FCHSD2: variants seen among roughly 807,000 people sequenced by gnomAD.
FCHSD2 encodes the protein FCH and double SH3 domains 2, also known as F-BAR and double SH3 domains protein 2.
In FCHSD2, 38 loss-of-function variants were observed where a neutral mutation model predicts 108.1. The observed-to-expected ratio is 0.35, with a 90% CI of 0.27 to 0.46. The LOEUF is 0.46. Among genes scored for constraint, FCHSD2 ranks in the 20% least tolerant of loss-of-function variants. The pLI is 1.00. For missense variants in FCHSD2, 751 were observed against 897.8 expected (o/e 0.84, Z 2.09); for synonymous variants, 279 against 314.7 (o/e 0.89, Z 1.20).
intron 4 of FCHSD2, among the ~76,000 whole-genome samples, chr11:73,013,655 T>A (rs955842920): frequency 1.3e-5 from 2 of 152,232 alleles, no homozygotes; most frequent in Admixed American, 6.5e-5. Flanking sequence ...ACAGAGCTGT[T>A]CTGATAATCA....
At chr11:73,102,887 T>C (rs1860256859) in intron 2 of FCHSD2, among the ~76,000 whole-genome samples, 1 of 152,176 alleles carries the variant, frequency 6.6e-6, no homozygotes. Flanking sequence ...AGACATACTC[T>C]TATTAAGAAA....
At chr11:72,942,464 T>C (rs1293126101) in intron 8 of FCHSD2, among the ~76,000 whole-genome samples, 1 of 152,190 alleles carries the variant, frequency 6.6e-6, no homozygotes, top group Admixed American at 6.5e-5. Context: ...GTATTTTATG[T>C]GAAAAAATAA....
chr11:73,093,118 A>G (rs1250810151), intron 2 of FCHSD2, among the ~76,000 whole-genome samples: 1 of 152,202 alleles, frequency 6.6e-6, no homozygotes, highest in Admixed American at 6.5e-5. Context: ...AGACTCAGGT[A>G]GGCTTTCCTA....
At chr11:73,040,439 G>A (rs1054709168) in intron 3 of FCHSD2, among the ~76,000 whole-genome samples, 23 of 152,326 alleles carry the variant, frequency 1.5e-4, no homozygotes, top group African/African-American at 5.5e-4. Flanking sequence ...TGTGTCTGGT[G>A]TATATTTCTC....
In FCHSD2 at chr11:72,841,653, T is replaced by A; in HGVS notation, c.1927-70A>T. On this transcript the variant is annotated intron_variant, in intron 17 of 19. Coordinates refer to ENST00000409418, the MANE Select transcript of FCHSD2 (RefSeq NM_014824.3). ...AGGAGAGCCTGGCTGCTTCTCTGAC[T>A]GCTCTGTACTCATGCCTTTTCTCTA... The A allele has an allele frequency of 2.8e-6, 4 of 1,424,978 alleles. 1 individual carries two copies. The South Asian group carries it at 4.3e-5, about 15-fold the overall frequency. The allele number at this position is 1,424,978 out of a possible 1,614,324, so 88.3% of individuals were successfully genotyped here.
At chr11:72,931,271 G>GTTT (rs143086970) in intron 8 of FCHSD2, among the ~76,000 whole-genome samples, 3 of 126,532 alleles carry the variant, frequency 2.4e-5, no homozygotes, top group African/African-American at 5.8e-5. Flanking sequence ...ATTTTTGTGG[G>GTTT]TTTTTTTTTT....
intron 8 of FCHSD2, among the ~76,000 whole-genome samples, chr11:72,982,680 C>A (rs1297417385): frequency 6.6e-6 from 1 of 152,118 alleles, no homozygotes; most frequent in East Asian, 1.9e-4. Context: ...TTTGGGTACA[C>A]AAACTGTAAT....
chr11:73,006,673 C>G (rs1490653712), intron 4 of FCHSD2, among the ~76,000 whole-genome samples: 1 of 152,212 alleles, frequency 6.6e-6, no homozygotes, highest in Non-Finnish European at 1.5e-5. Context: ...ACTTCTTGGC[C>G]CTCTGTATTC....
At chr11:73,117,266 G>C (rs1440065986) in intron 2 of FCHSD2, among the ~76,000 whole-genome samples, 1 of 152,094 alleles carries the variant, frequency 6.6e-6, no homozygotes, top group Non-Finnish European at 1.5e-5. Flanking sequence ...GACACAGACG[G>C]GTTAAGTAAC....
chr11:72,995,168 T>A (rs1284671750), intron 5 of FCHSD2, among the ~76,000 whole-genome samples: 1 of 152,202 alleles, frequency 6.6e-6, no homozygotes, highest in Non-Finnish European at 1.5e-5. Flanking sequence ...TTCATTCCTT[T>A]TTATCGCCGA....
chr11:73,107,273 G>T (rs1405822448), intron 2 of FCHSD2, among the ~76,000 whole-genome samples: 1 of 152,010 alleles, frequency 6.6e-6, no homozygotes, highest in Non-Finnish European at 1.5e-5. Context: ...CAGGATAGTC[G>T]ATCTGACCTT....
intron 14 of FCHSD2, among the ~76,000 whole-genome samples, chr11:72,846,281 AG>A (rs1237054748): frequency 3.3e-5 from 5 of 151,650 alleles, no homozygotes. Context: ...CCCAGGTTCA[AG>A]AAATTCTCCT....
chr11:73,118,987 A>T (rs1341402657), intron 2 of FCHSD2, among the ~76,000 whole-genome samples: 1 of 152,188 alleles, frequency 6.6e-6, no homozygotes, highest in Non-Finnish European at 1.5e-5. Flanking sequence ...TAAATAATTA[A>T]TTTTTGTTTG....
chr11:73,035,202 GTACGTACT>G (rs1858461316), intron 3 of FCHSD2, among the ~76,000 whole-genome samples: 1 of 46,260 alleles, frequency 2.2e-5, no homozygotes, highest in Non-Finnish European at 5.3e-5. Flanking sequence ...ATGTATGTAT[GTACGTACT>G]AAGACAAGGT....
Position 72,842,651 on chromosome 11 carries a change from A to G in FCHSD2, c.1896T>C (p.Asn632=), listed in dbSNP as rs1429622228. The change falls in exon 17 of 20, where the codon AAT becomes AAC. Residue 632 remains asparagine (N), a synonymous_variant. Transcript: ENST00000409418. ...TCTCTCTCATCCATGGAGTGTCACC[A>G]TTTTCTGAGGCTGAAAGTTCTTCCA... ...VLVEELSASE[N]GDTPWMREIQ... is the part of the protein sequence containing the mutation. 2 of 1,613,766 alleles carry G rather than the reference A, an allele frequency of 1.2e-6. No homozygotes were observed. Among genetic ancestry groups the G allele is most frequent in the Non-Finnish European group, 1.7e-6 (2 of 1,179,880 alleles).
At chr11:73,042,128 T>C (rs1591506822) in intron 3 of FCHSD2, among the ~76,000 whole-genome samples, 1 of 152,246 alleles carries the variant, frequency 6.6e-6, no homozygotes. Flanking sequence ...GGTTTCACTG[T>C]GTTGGCCAGG....
intron 2 of FCHSD2, among the ~76,000 whole-genome samples, chr11:73,092,496 A>G (rs533510785): frequency 6.6e-6 from 1 of 152,246 alleles, no homozygotes; most frequent in East Asian, 1.9e-4. Context: ...TGAATTGACT[A>G]TGGAGCTCCT....
At chr11:73,126,196 C>A (rs1860851629) in intron 2 of FCHSD2, among the ~76,000 whole-genome samples, 1 of 151,608 alleles carries the variant, frequency 6.6e-6, no homozygotes. Context: ...AAAAATTAGC[C>A]AGGCATAGTC....
chr11:73,059,157 A>G (rs963462039), intron 3 of FCHSD2, among the ~76,000 whole-genome samples: 2 of 152,192 alleles, frequency 1.3e-5, no homozygotes, highest in African/African-American at 4.8e-5. Context: ...AGTCTAGCTC[A>G]AATACTGAAA....
Sources: gnomAD v4.1 joint callset for allele counts (sites outside exome capture counted in the v4.1 genomes callset) on GRCh38, gnomAD v4.1.1 for gene constraint, MANE v1.5 for transcripts, NCBI Gene and HGNC (gene_info 2026-07-23, HGNC 2026-07-21) for gene names.